The following CCDC158 variants were observed in gnomAD, a reference collection of about 807,000 sequenced individuals.
CCDC158 encodes coiled-coil domain-containing protein 158.
A neutral mutation model predicts 138.6 loss-of-function variants in CCDC158; 116 were observed. That is an observed-to-expected ratio of 0.84 (90% CI 0.72 to 0.98). The LOEUF (loss-of-function observed/expected upper bound fraction) is 0.98, where lower values mean the gene tolerates loss of function less well. CCDC158 is among the 50% of genes least tolerant of loss of function. CCDC158 has a pLI of 0.00. For synonymous variants in CCDC158, 436 were observed against 442.4 expected, an observed-to-expected ratio of 0.99 and a Z score of 0.18; for missense variants, 1,265 against 1,306.1, an observed-to-expected ratio of 0.97 and a Z score of 0.48.
intron 3 of CCDC158, chr4:76,402,015 C>A (rs1041901839): frequency 6.6e-6 from 1 of 152,150 alleles, no homozygotes; most frequent in African/African-American, 2.4e-5. Flanking sequence ...TTTAAGCAGA[C>A]CAGTAAAACA....
rs888202045 is a variant in CCDC158 at position 76,373,277 on chromosome 4, T to C, written c.1030-1741A>G. On this transcript the variant is annotated intron_variant, in intron 9 of 24. Transcript: ENST00000682701. ...CTTAAATAATAAGATATTAAAACAA[T>C]GAGAACGTGTTGATACTTAGTTATA... 7.2e-5 allele frequency among the ~76,000 whole-genome samples: 11 copies of C among 152,362 alleles called. No individual in the cohort carries two copies. The Middle Eastern group carries it at 0.01, about 141-fold the overall frequency.
chr4:76,347,870 G>A (rs1276131160), intron 18 of CCDC158, among the ~76,000 whole-genome samples: 1 of 152,110 alleles, frequency 6.6e-6, no homozygotes, highest in Non-Finnish European at 1.5e-5. Context: ...GCTCGGAGGG[G>A]ATTCAAATCA....
intron 4 of CCDC158, among the ~76,000 whole-genome samples, chr4:76,385,948 A>C (rs1726745470): frequency 6.6e-6 from 1 of 152,146 alleles, no homozygotes; most frequent in Admixed American, 6.5e-5. Flanking sequence ...TACTGAATGC[A>C]AAAGCACAGT....
chr4:76,421,208 G>A (rs887748039), upstream of CCDC158, among the ~76,000 whole-genome samples: 29 of 152,164 alleles, frequency 1.9e-4, no homozygotes, highest in African/African-American at 6.5e-4. Flanking sequence ...GAGCCGCGTG[G>A]GTGACGGTTA....
chr4:76,396,546 T>C lies in CCDC158; in HGVS notation c.71-60A>G, dbSNP rs10005141. ...TTTTTTTTGAGAAGGAGTTTCACTG[T>C]TATTGCCCAGGCTGGAGTGCAATGG... On this transcript the variant is annotated intron_variant, in intron 3 of 24. Transcript: ENST00000682701. 7,627 of 1,303,394 alleles carry C rather than the reference T, an allele frequency of 5.9e-3. 335 individuals carry two copies. In the African/African-American group the frequency reaches 0.099, roughly 17 times the overall value. The allele number at this position is 1,303,394 out of a possible 1,614,324, so 80.7% of individuals were successfully genotyped here.
intron 12 of CCDC158, 44 bp from the exon 13 acceptor site, chr4:76,362,359 T>C (rs759643575): frequency 2.1e-6 from 3 of 1,405,558 alleles, no homozygotes; most frequent in Admixed American, 1.9e-5. Context: ...GTAAAAAATA[T>C]GTACATGTAT....
At position 76,384,253 on chromosome 4, in the gene CCDC158, T is replaced by C. The variant is rs992039680; in HGVS notation, c.561A>G (p.Gln187=). 6.2e-7 allele frequency: 1 copy of C among 1,614,164 alleles called. No individual in the cohort carries two copies. The highest frequency in any genetic ancestry group is 8.5e-7 in the Non-Finnish European group (1 of 1,180,012). Residue 187 remains glutamine, a synonymous_variant, in exon 6 of 25, where the codon CAA becomes CAG. Coordinates refer to ENST00000682701, the MANE Select transcript of CCDC158 (RefSeq NM_001394954.1). Reference sequence around the variant, plus strand: ...AGTCAACTAGGATTGACCGGATTTCTTGAAGCACTCCCTCATGACTAAGCA... The same window carrying C: ...AGTCAACTAGGATTGACCGGATTTCCTGAAGCACTCCCTCATGACTAAGCA... ...KMMLSHEGVL[Q]EIRSILVDFE... is the part of the protein sequence containing the mutation.
chr4:76,403,343 A>G, intron 2 of CCDC158, 63 bp from the exon 3 acceptor site: 1 of 514,548 alleles, frequency 1.9e-6, no homozygotes, highest in Non-Finnish European at 3.3e-6. Flanking sequence ...TTCATAGAAG[A>G]ACAGGAACTG....
intron 18 of CCDC158, among the ~76,000 whole-genome samples, chr4:76,343,153 G>A (rs1722218320): frequency 6.6e-6 from 1 of 152,152 alleles, no homozygotes; most frequent in Non-Finnish European, 1.5e-5. Context: ...TATGTTAATA[G>A]TTACCCTAGA....
At chr4:76,315,557 G>A (rs556550441) in intron 24 of CCDC158, among the ~76,000 whole-genome samples, 1 of 152,174 alleles carries the variant, frequency 6.6e-6, no homozygotes, top group Non-Finnish European at 1.5e-5. Context: ...CCTGCACCAA[G>A]GAAGAAGAAA....
chr4:76,394,754 T>A (rs1328636608), intron 4 of CCDC158, among the ~76,000 whole-genome samples: 2 of 151,756 alleles, frequency 1.3e-5, no homozygotes, highest in African/African-American at 4.9e-5. Flanking sequence ...CATAAATATA[T>A]ATACCTTTTT....
intron 24 of CCDC158, among the ~76,000 whole-genome samples, chr4:76,315,759 C>T (rs939107799): frequency 3.9e-5 from 6 of 152,170 alleles, no homozygotes; most frequent in Non-Finnish European, 5.9e-5. Context: ...CTGGTATCCA[C>T]GGCTGGGAGA....
intron 14 of CCDC158, among the ~76,000 whole-genome samples, chr4:76,355,798 CGT>C (rs71212417): frequency 0.028 from 4,147 of 145,538 alleles, 184 homozygotes; most frequent in African/African-American, 0.099. Flanking sequence ...AATATATGTA[CGT>C]GTGTGTGTGT....
chr4:76,391,662 G>A (rs1438362382), intron 4 of CCDC158, among the ~76,000 whole-genome samples: 1 of 150,982 alleles, frequency 6.6e-6, no homozygotes, highest in Non-Finnish European at 1.5e-5. Context: ...ATTAGTACAA[G>A]AAAAGAAATA....
At chr4:76,347,758 T>C (rs899127047) in intron 18 of CCDC158, among the ~76,000 whole-genome samples, 13 of 152,100 alleles carry the variant, frequency 8.5e-5, no homozygotes, top group East Asian at 1.9e-4. Flanking sequence ...AAATTATCTC[T>C]GTAATTTTTT....
intron 8 of CCDC158, among the ~76,000 whole-genome samples, chr4:76,381,280 G>A (rs28875541): frequency 0.027 from 4,050 of 152,336 alleles, 179 homozygotes; most frequent in African/African-American, 0.092. Flanking sequence ...GGCACTCAGT[G>A]TAGCCTGTGA....
chr4:76,396,204 C>T, intron 4 of CCDC158, 65 bp downstream of exon 4: 1 of 1,166,144 alleles, frequency 8.6e-7, no homozygotes, highest in East Asian at 2.4e-5. Context: ...GGCTTTACAA[C>T]TACATACTGG....
chr4:76,334,575 T>C (rs1001942301), intron 18 of CCDC158, among the ~76,000 whole-genome samples: 3 of 152,204 alleles, frequency 2.0e-5, no homozygotes, highest in Non-Finnish European at 4.4e-5. Flanking sequence ...TAAGGAGCTA[T>C]TTAGAGATGA....
chr4:76,342,342 CA>C (rs1722135911), intron 18 of CCDC158, among the ~76,000 whole-genome samples: 1 of 152,188 alleles, frequency 6.6e-6, no homozygotes, highest in Admixed American at 6.5e-5. Context: ...TGCCCAGACT[CA>C]AGTGTCTTTT....
Sources: allele counts gnomAD v4.1 joint callset (sites outside exome capture counted in the v4.1 genomes callset), GRCh38; gene constraint gnomAD v4.1.1; transcripts MANE v1.5; gene names NCBI Gene and HGNC (gene_info 2026-07-23, HGNC 2026-07-21).